TNKS: variants seen among roughly 807,000 people sequenced by gnomAD.
TNKS encodes the protein tankyrase, also known as poly [ADP-ribose] polymerase tankyrase-1.
A neutral mutation model predicts 135.8 loss-of-function variants in TNKS; 72 were observed. The ratio of observed to expected loss-of-function variants is 0.53; its 90% confidence interval spans 0.44 to 0.64. TNKS has a LOEUF of 0.64. Ranked by LOEUF, TNKS falls within the 30% of genes least tolerant of loss-of-function variation. The pLI is 0.00. For missense variants in TNKS, 1,769 were observed against 1,674.0 expected (o/e 1.06, Z -0.99); for synonymous variants, 849 against 649.3 (o/e 1.31, Z -4.68).
At chr8:9,662,052 C>T (rs1160907776) in intron 3 of TNKS, among the ~76,000 whole-genome samples, 1 of 152,210 alleles carries the variant, frequency 6.6e-6, no homozygotes, top group African/African-American at 2.4e-5. Context: ...CCATCTCACA[C>T]ACCTGTTAGA....
chr8:9,681,542 G>T (rs1028411754), intron 5 of TNKS, among the ~76,000 whole-genome samples: 5 of 150,872 alleles, frequency 3.3e-5, no homozygotes, highest in Admixed American at 6.6e-5. Context: ...CATAAAGTTG[G>T]TTTTTTTTTA....
chr8:9,557,756 G>A (rs1815387711), intron 1 of TNKS: 1 of 152,078 alleles, frequency 6.6e-6, no homozygotes, highest in African/African-American at 2.4e-5. Flanking sequence ...AGTAAAACAT[G>A]TGTTGACCCA....
chr8:9,588,596 A>G (rs528527156), intron 2 of TNKS, among the ~76,000 whole-genome samples: 126 of 152,264 alleles, frequency 8.3e-4, no homozygotes, highest in African/African-American at 2.9e-3. Flanking sequence ...TCTTTTATCT[A>G]AAAAGGGGAA....
chr8:9,736,557 C>A (rs564349529), intron 17 of TNKS, among the ~76,000 whole-genome samples: 52 of 144,176 alleles, frequency 3.6e-4, no homozygotes, highest in Non-Finnish European at 6.5e-4. Flanking sequence ...AATCTTTAAT[C>A]CATCTTGAAT....
chr8:9,585,940 G>T (rs767989919), intron 2 of TNKS, among the ~76,000 whole-genome samples: 5 of 152,120 alleles, frequency 3.3e-5, no homozygotes, highest in African/African-American at 4.8e-5. Flanking sequence ...TTCCTTGAGT[G>T]AGTTGTTTAC....
intron 6 of TNKS, 149 bp from the exon 7 acceptor site, chr8:9,706,038 A>T: frequency 2.3e-6 from 1 of 429,732 alleles, no homozygotes; most frequent in Non-Finnish European, 4.0e-6. Flanking sequence ...AACATAAGCT[A>T]TGCTTTGAAT....
chr8:9,584,113 G>T (rs982989275), intron 2 of TNKS, among the ~76,000 whole-genome samples: 4 of 145,462 alleles, frequency 2.7e-5, no homozygotes, highest in Non-Finnish European at 4.5e-5. Flanking sequence ...GCAGTGAGCC[G>T]AGATTACACC....
At chr8:9,635,052 C>A (rs1317062539) in intron 3 of TNKS, among the ~76,000 whole-genome samples, 1 of 152,052 alleles carries the variant, frequency 6.6e-6, no homozygotes, top group Non-Finnish European at 1.5e-5. Flanking sequence ...CGCCTGTAGG[C>A]GCGGCCACTC....
chr8:9,665,566 C>G (rs1280188152), intron 3 of TNKS, among the ~76,000 whole-genome samples: 1 of 152,194 alleles, frequency 6.6e-6, no homozygotes, highest in African/African-American at 2.4e-5. Context: ...TGCATCTCTA[C>G]AAGATTCCAT....
Position 9,617,684 on chromosome 8 carries a change from T to G in TNKS, c.994+2007T>G, listed in dbSNP as rs928469278. Among the ~76,000 whole-genome samples, 15 of 152,336 alleles carry G rather than the reference T, an allele frequency of 9.8e-5. 1 individual carries two copies. The highest frequency in any genetic ancestry group is 3.6e-4 in the African/African-American group (15 of 41,582). On this transcript the variant is annotated intron_variant, in intron 3 of 26. Transcript: ENST00000310430. ...ATTTCCAGAGCTAAATTTAAAAGAT[T>G]AAACATTAATTTTTTTAAAAGGGTT...
At chr8:9,705,946 G>A (rs775548661) in intron 6 of TNKS, among the ~76,000 whole-genome samples, 11 of 151,706 alleles carry the variant, frequency 7.3e-5, no homozygotes, top group Admixed American at 5.2e-4. Flanking sequence ...TCTTCCTTTC[G>A]CCAAAATGTT....
intron 2 of TNKS, among the ~76,000 whole-genome samples, chr8:9,596,147 A>G (rs1402896610): frequency 6.6e-6 from 1 of 152,128 alleles, no homozygotes; most frequent in Non-Finnish European, 1.5e-5. Flanking sequence ...GTACATACAC[A>G]CATACATACT....
At chr8:9,736,078 G>A (rs1805686733) in intron 17 of TNKS, among the ~76,000 whole-genome samples, 2 of 72,072 alleles carry the variant, frequency 2.8e-5, no homozygotes, top group African/African-American at 7.7e-5. Flanking sequence ...TATCAATATT[G>A]TAATATAATA....
intron 14 of TNKS, among the ~76,000 whole-genome samples, 164 bp downstream of exon 14, chr8:9,731,199 C>T (rs1805420712): frequency 6.6e-6 from 1 of 152,154 alleles, no homozygotes; most frequent in African/African-American, 2.4e-5. Flanking sequence ...GTGGCTCACG[C>T]CTGTAATCCC....
chr8:9,556,812 A>G lies in TNKS; in HGVS notation c.673+200A>G, dbSNP rs143043712. The G allele has an allele frequency of 8.8e-5, 51 of 580,774 alleles. No homozygotes were observed. In the Middle Eastern group the frequency reaches 1.7e-3, roughly 19 times the overall value. 36.0% of individuals were successfully genotyped at this position (580,774 alleles called of 1,614,324 possible). ...GTGGTTGGGGGGGATAAGTGAATCC[A>G]AGGAATTCTTCAGTGGTTGCACAGT... On this transcript the variant is annotated intron_variant, in intron 1 of 26. Transcript: ENST00000310430.
At chr8:9,623,875 G>C (rs781348166) in intron 3 of TNKS, among the ~76,000 whole-genome samples, 1 of 151,998 alleles carries the variant, frequency 6.6e-6, no homozygotes, top group Non-Finnish European at 1.5e-5. Flanking sequence ...GGTGGTGGGC[G>C]CCTGTAATCC....
At chr8:9,768,321 T>C (rs1229194829) in intron 25 of TNKS, among the ~76,000 whole-genome samples, 1 of 152,194 alleles carries the variant, frequency 6.6e-6, no homozygotes, top group African/African-American at 2.4e-5. Flanking sequence ...CACAGTCTCA[T>C]AGTGAGTGCA....
At chr8:9,736,411 G>GA (rs1805707891) in intron 17 of TNKS, among the ~76,000 whole-genome samples, 1 of 150,976 alleles carries the variant, frequency 6.6e-6, no homozygotes, top group South Asian at 2.1e-4. Flanking sequence ...TGGTTTCAGA[G>GA]AGTAGGAATT....
In TNKS at chr8:9,564,269, T is replaced by C. The variant is rs1797443256; in HGVS notation, c.673+7657T>C. On this transcript the variant is annotated intron_variant, in intron 1 of 26. Coordinates refer to ENST00000310430, the MANE Select transcript of TNKS (RefSeq NM_003747.3). ...ATTGAATAGGTCACAGGCCAGGTGT[T>C]CTTTCCTGACGGGAAGTGATTCTTT... 2.6e-5 allele frequency among the ~76,000 whole-genome samples: 4 copies of C among 152,156 alleles called. No homozygotes were observed. In the South Asian group the frequency reaches 8.3e-4, roughly 31 times the overall value.
Sources: allele counts gnomAD v4.1 joint callset (sites outside exome capture counted in the v4.1 genomes callset), GRCh38; gene constraint gnomAD v4.1.1; transcripts MANE v1.5; gene names NCBI Gene and HGNC (gene_info 2026-07-23, HGNC 2026-07-21).